Variants in WWC1 observed in about 807,000 individuals in gnomAD.
WWC1 encodes the protein WW and C2 domain containing 1, also known as protein KIBRA.
In WWC1, 55 loss-of-function variants were observed where a neutral mutation model predicts 138.4. The observed-to-expected ratio is 0.40, with a 90% CI of 0.32 to 0.50. The LOEUF (loss-of-function observed/expected upper bound fraction) is 0.50. Ranked by LOEUF, WWC1 falls within the 20% of genes least tolerant of loss-of-function variation. WWC1 has a pLI of 0.72. For synonymous variants in WWC1, 524 were observed against 564.9 expected (o/e 0.93, Z 1.03); for missense variants, 1,226 against 1,420.4 (o/e 0.86, Z 2.20).
chr5:168,310,836 TA>T (rs541770385), intron 1 of WWC1, among the ~76,000 whole-genome samples: 2 of 112,192 alleles, frequency 1.8e-5, no homozygotes, highest in African/African-American at 2.8e-5. Flanking sequence ...AGACCCTGTC[TA>T]AAAAAAAAGC....
intron 1 of WWC1, among the ~76,000 whole-genome samples, chr5:168,310,330 T>TA (rs1770952902): frequency 6.6e-6 from 1 of 151,772 alleles, no homozygotes; most frequent in African/African-American, 2.4e-5. Flanking sequence ...ACCATTTACC[T>TA]TATATTCTCT....
intron 11 of WWC1, among the ~76,000 whole-genome samples, chr5:168,426,335 T>C (rs1189638968): frequency 6.6e-6 from 1 of 151,916 alleles, no homozygotes; most frequent in Non-Finnish European, 1.5e-5. Context: ...GCCTCTGATA[T>C]CAATATTAAG....
intron 1 of WWC1, among the ~76,000 whole-genome samples, chr5:168,370,945 C>T (rs1240842463): frequency 2.0e-5 from 3 of 152,166 alleles, no homozygotes; most frequent in Non-Finnish European, 2.9e-5. Flanking sequence ...CTTGATGTTG[C>T]GGCAAGCCAG....
chr5:168,352,321 C>T (rs1775031365), intron 1 of WWC1, among the ~76,000 whole-genome samples: 2 of 152,208 alleles, frequency 1.3e-5, no homozygotes, highest in Non-Finnish European at 2.9e-5. Context: ...TGGGTGGCTT[C>T]TGCTGTGCTT....
chr5:168,308,290 G>A (rs1007709432), intron 1 of WWC1, among the ~76,000 whole-genome samples: 12 of 93,192 alleles, frequency 1.3e-4, no homozygotes, highest in African/African-American at 2.8e-4. Context: ...GGATCTTACA[G>A]ACAAATAATA....
intron 5 of WWC1, among the ~76,000 whole-genome samples, chr5:168,402,572 A>G (rs1779388391): frequency 1.3e-5 from 2 of 152,126 alleles, no homozygotes; most frequent in Non-Finnish European, 2.9e-5. Flanking sequence ...CCTGGGCTAG[A>G]CAGTGTGCTG....
intron 3 of WWC1, among the ~76,000 whole-genome samples, chr5:168,395,069 A>G (rs1000809072): frequency 1.3e-5 from 2 of 152,208 alleles, no homozygotes; most frequent in Non-Finnish European, 2.9e-5. Context: ...TTTTGTCTCC[A>G]GGATTTCTGG....
intron 1 of WWC1, among the ~76,000 whole-genome samples, chr5:168,335,748 G>A (rs1773401167): frequency 6.6e-6 from 1 of 152,178 alleles, no homozygotes. Context: ...ACTATTTCCA[G>A]TCTTCTTAGC....
At chr5:168,464,467 A>G (rs1757077527) in intron 20 of WWC1, among the ~76,000 whole-genome samples, 1 of 152,144 alleles carries the variant, frequency 6.6e-6, no homozygotes, top group African/African-American at 2.4e-5. Context: ...TGCAGATGAT[A>G]ACCCTCGGGA....
intron 10 of WWC1, 52 bp from the exon 11 acceptor site, chr5:168,423,481 G>A: frequency 6.4e-7 from 1 of 1,552,472 alleles, no homozygotes; most frequent in South Asian, 1.2e-5. Flanking sequence ...AGGTCTCAGG[G>A]GGCCCACTTC....
At chr5:168,408,422 T>C (rs1478000173) in intron 6 of WWC1, 85 bp from the exon 7 acceptor site, 3 of 1,500,540 alleles carry the variant, frequency 2.0e-6, no homozygotes, top group Admixed American at 1.8e-5. Flanking sequence ...TAAGGGAGGG[T>C]AGAGAGGGAA....
At chr5:168,452,764 T>TTCC (rs34833216) in intron 17 of WWC1, among the ~76,000 whole-genome samples, 4 of 151,108 alleles carry the variant, frequency 2.6e-5, no homozygotes, top group East Asian at 2.0e-4. Flanking sequence ...TCTCTCCCTC[T>TTCC]TCCTCCTCCT....
intron 16 of WWC1, among the ~76,000 whole-genome samples, chr5:168,443,453 A>G (rs1272983764): frequency 6.6e-6 from 1 of 152,194 alleles, no homozygotes; most frequent in Non-Finnish European, 1.5e-5. Context: ...ACATCTCATC[A>G]GCAAAGCTAG....
In WWC1 at chr5:168,423,600, T is replaced by C; in HGVS notation, c.1342T>C (p.Ser448Pro). 1.2e-6 allele frequency: 2 copies of C among 1,614,034 alleles called. No individual in the cohort carries two copies. Among genetic ancestry groups the C allele is most frequent in the Non-Finnish European group, 1.7e-6 (2 of 1,180,016 alleles). ...CGGATCCCTCACGTCCAGCCGGGGC[T>C]CCCTGGTTGCATCCAGCCTGGACTC... ...SPGSLTSSRG[S>P]LVASSLDSST... Residue 448 changes from serine to proline, a missense_variant, in exon 11 of 23, where the codon TCC becomes CCC. Around this residue, in one of 3 missense-constraint regions of WWC1, gnomAD observed 1,016 missense variants for 1,153.9 expected, o/e 0.88. Coordinates refer to ENST00000265293, the MANE Select transcript of WWC1 (RefSeq NM_015238.3).
In WWC1 at chr5:168,291,996, C is replaced by G; in HGVS notation, c.-157C>G. The stretch of plus-strand genomic sequence containing the variant: ...CAGGGCCGCATGGACAGCGGCGCCA[C>G]CCCGGCCGGCCCCTACTAGGGCCCC... On this transcript the variant is annotated 5_prime_UTR_variant, in exon 1 of 23. Transcript: ENST00000265293. 1.2e-6 allele frequency: 1 copy of G among 820,858 alleles called. No individual in the cohort carries two copies. Among genetic ancestry groups the G allele is most frequent in the Non-Finnish European group, 1.7e-6 (1 of 596,834 alleles). 50.8% of individuals were successfully genotyped at this position (820,858 alleles called of 1,614,324 possible). A position where few individuals can be genotyped will look rare whatever the true frequency, so the allele number is the denominator to read the frequency against.
At chr5:168,349,380 TTTTG>T (rs1774744499) in intron 1 of WWC1, among the ~76,000 whole-genome samples, 1 of 151,270 alleles carries the variant, frequency 6.6e-6, no homozygotes, top group Admixed American at 6.6e-5. Flanking sequence ...TATAGAAAGG[TTTTG>T]TTTGTTTTTT....
chr5:168,412,993 G>A (rs1780342814), intron 8 of WWC1, among the ~76,000 whole-genome samples: 2 of 152,138 alleles, frequency 1.3e-5, no homozygotes, highest in South Asian at 4.1e-4. Flanking sequence ...CTTGCCTGGG[G>A]AACAAGCAAA....
At chr5:168,439,846 C>T (rs141329984) in intron 15 of WWC1, among the ~76,000 whole-genome samples, 173 of 152,272 alleles carry the variant, frequency 1.1e-3, no homozygotes, top group Middle Eastern at 3.4e-3. Context: ...TACATTTCCA[C>T]GAGCAAGGTG....
At chr5:168,315,299 A>G (rs1771482786) in intron 1 of WWC1, among the ~76,000 whole-genome samples, 1 of 151,860 alleles carries the variant, frequency 6.6e-6, no homozygotes, top group Admixed American at 6.6e-5. Context: ...CCCTAAGCCT[A>G]CTGAATCAGA....
Sources: allele counts gnomAD v4.1 joint callset (sites outside exome capture counted in the v4.1 genomes callset), GRCh38; gene constraint gnomAD v4.1.1; regional missense constraint gnomAD v4.1.1; transcripts MANE v1.5; gene names NCBI Gene and HGNC (gene_info 2026-07-23, HGNC 2026-07-21).